The following DIP2B variants were observed in gnomAD, a reference collection of about 807,000 sequenced individuals.
DIP2B encodes the protein DIP2 acetate--CoA ligase B (putative).
A neutral mutation model predicts 198.0 loss-of-function variants in DIP2B; 76 were observed. That is an observed-to-expected ratio of 0.38 (90% CI 0.32 to 0.46). The LOEUF is 0.46. Ranked by LOEUF, DIP2B falls within the 20% of genes least tolerant of loss-of-function variation. The probability of loss-of-function intolerance (pLI) is 0.99; values close to 1 mark genes in which losing one functional copy is unlikely to be tolerated. For missense variants in DIP2B, 1,559 were observed against 1,978.4 expected (o/e 0.79, Z 4.02); for synonymous variants, 701 against 739.1 (o/e 0.95, Z 0.84).
chr12:50,741,656 A>AG, intron 37 of DIP2B, 117 bp downstream of exon 37: 1 of 1,346,550 alleles, frequency 7.4e-7, no homozygotes, highest in Non-Finnish European at 1.0e-6. Context: ...GCTCCATGGG[A>AG]GGAGTAAGGA....
At chr12:50,565,050 C>T (rs888993419) in intron 1 of DIP2B, among the ~76,000 whole-genome samples, 1 of 152,084 alleles carries the variant, frequency 6.6e-6, no homozygotes, top group African/African-American at 2.4e-5. Flanking sequence ...TTCACCCAGG[C>T]TGGAGTGCAG....
At chr12:50,724,667 T>C in intron 27 of DIP2B, 108 bp from the exon 28 acceptor site, 1 of 823,926 alleles carries the variant, frequency 1.2e-6, no homozygotes, top group Non-Finnish European at 2.0e-6. Context: ...TCTTTGAAAC[T>C]GTCCTGTCCA....
chr12:50,508,164 T>G (rs760235301), intron 1 of DIP2B, among the ~76,000 whole-genome samples: 2 of 152,212 alleles, frequency 1.3e-5, no homozygotes, highest in Admixed American at 6.5e-5. Context: ...GGTTAAAACC[T>G]GCTTCTGTCA....
chr12:50,623,547 A>T (rs948021041), intron 1 of DIP2B, among the ~76,000 whole-genome samples: 8 of 148,798 alleles, frequency 5.4e-5, no homozygotes, highest in South Asian at 2.1e-4. Flanking sequence ...ACACACACAC[A>T]CTCTCACTCA....
intron 1 of DIP2B, among the ~76,000 whole-genome samples, chr12:50,569,963 C>T (rs1958598955): frequency 6.6e-6 from 1 of 152,196 alleles, no homozygotes; most frequent in Non-Finnish European, 1.5e-5. Context: ...GTGTTGACAT[C>T]TGTTGCAAGT....
At chr12:50,565,749 A>G (rs994983112) in intron 1 of DIP2B, among the ~76,000 whole-genome samples, 1 of 152,200 alleles carries the variant, frequency 6.6e-6, no homozygotes, top group Non-Finnish European at 1.5e-5. Flanking sequence ...TAAAAAGTCA[A>G]TGTAGTCCCA....
At chr12:50,645,601 GC>G (rs1469131890) in intron 3 of DIP2B, among the ~76,000 whole-genome samples, 1 of 151,948 alleles carries the variant, frequency 6.6e-6, no homozygotes, top group Admixed American at 6.6e-5. Flanking sequence ...GGAAGTACAG[GC>G]ACATGCTACT....
chr12:50,530,456 T>G (rs10732734), intron 1 of DIP2B, among the ~76,000 whole-genome samples: 16 of 152,282 alleles, frequency 1.1e-4, no homozygotes, highest in African/African-American at 2.9e-4. Flanking sequence ...GCCACTGAAG[T>G]ATTGTAAGCA....
intron 1 of DIP2B, among the ~76,000 whole-genome samples, chr12:50,540,110 A>ATTTTTTTTTTTTTT (rs71083594): frequency 1.6e-5 from 1 of 62,166 alleles, no homozygotes; most frequent in African/African-American, 6.8e-5. Context: ...AGCTATGAAC[A>ATTTTTTTTTTTTTT]TTTTTTTTTT....
At chr12:50,613,523 C>T (rs963895835) in intron 1 of DIP2B, among the ~76,000 whole-genome samples, 6 of 152,168 alleles carry the variant, frequency 3.9e-5, no homozygotes, top group Non-Finnish European at 7.3e-5. Flanking sequence ...CTCTAAAGTC[C>T]TGCAGTGCTT....
intron 1 of DIP2B, among the ~76,000 whole-genome samples, chr12:50,593,980 G>T (rs763103377): frequency 7.3e-6 from 1 of 136,906 alleles, no homozygotes; most frequent in Admixed American, 7.7e-5. Context: ...CACTCTTGTC[G>T]CCCAGGCTGG....
chr12:50,529,949 T>G (rs1054744662), intron 1 of DIP2B, among the ~76,000 whole-genome samples: 9 of 152,220 alleles, frequency 5.9e-5, no homozygotes, highest in Non-Finnish European at 1.3e-4. Flanking sequence ...TCACGGGAAA[T>G]TATTGCTATA....
At chr12:50,520,082 G>T (rs1958103250) in intron 1 of DIP2B, among the ~76,000 whole-genome samples, 1 of 130,728 alleles carries the variant, frequency 7.6e-6, no homozygotes, top group Admixed American at 8.8e-5. Flanking sequence ...TTGTCACCCA[G>T]GCTGGAGTGC....
intron 1 of DIP2B, among the ~76,000 whole-genome samples, chr12:50,514,876 T>C (rs1327320660): frequency 6.6e-6 from 1 of 152,122 alleles, no homozygotes; most frequent in Non-Finnish European, 1.5e-5. Context: ...CAGGCTGATC[T>C]TGAACTCCTG....
At chr12:50,689,615 A>T (rs1473747225) in intron 12 of DIP2B, among the ~76,000 whole-genome samples, 2 of 152,166 alleles carry the variant, frequency 1.3e-5, no homozygotes, top group African/African-American at 4.8e-5. Flanking sequence ...TTCCAGGGGC[A>T]GGGACGGGGG....
intron 1 of DIP2B, among the ~76,000 whole-genome samples, chr12:50,576,040 G>C (rs184356996): frequency 2.9e-4 from 44 of 151,316 alleles, no homozygotes; most frequent in Admixed American, 1.4e-3. Context: ...TTACAAGTGT[G>C]AGCCACCGTG....
At chr12:50,591,537 A>C (rs529341704) in intron 1 of DIP2B, among the ~76,000 whole-genome samples, 1 of 152,208 alleles carries the variant, frequency 6.6e-6, no homozygotes, top group East Asian at 1.9e-4. Context: ...TCCTGGGCTC[A>C]GGTGATCCTC....
intron 2 of DIP2B, among the ~76,000 whole-genome samples, chr12:50,638,069 T>C (rs1938190762): frequency 1.3e-5 from 2 of 152,222 alleles, no homozygotes; most frequent in African/African-American, 4.8e-5. Flanking sequence ...TTAAACATAA[T>C]GGTGACCTCT....
chr12:50,668,794 C>A (rs1284064154), intron 4 of DIP2B, among the ~76,000 whole-genome samples: 2 of 152,108 alleles, frequency 1.3e-5, no homozygotes, highest in Non-Finnish European at 2.9e-5. Flanking sequence ...TCCCAACTTC[C>A]TCTCTGTTTT....
Sources: gnomAD v4.1 joint callset for allele counts (sites outside exome capture counted in the v4.1 genomes callset) on GRCh38, gnomAD v4.1.1 for gene constraint, MANE v1.5 for transcripts, NCBI Gene and HGNC (gene_info 2026-07-23, HGNC 2026-07-21) for gene names.